The following GPC5 variants were observed in gnomAD, a reference collection of about 807,000 sequenced individuals.
The protein encoded by GPC5 is glypican-5.
GPC5 carries 47 observed loss-of-function variants against 53.9 expected under a neutral mutation model. The observed-to-expected ratio is 0.87, with a 90% CI of 0.69 to 1.11. GPC5 has a LOEUF of 1.11. Among genes scored for constraint, GPC5 ranks in the 50% most tolerant of loss-of-function variants. The pLI is 0.00. For synonymous variants in GPC5, 286 were observed against 263.3 expected (o/e 1.09, Z -0.84); for missense variants, 748 against 713.1 (o/e 1.05, Z -0.56).
intron 6 of GPC5, among the ~76,000 whole-genome samples, chr13:92,046,133 T>A (rs976907258): frequency 8.2e-5 from 12 of 146,244 alleles, no homozygotes; most frequent in African/African-American, 2.5e-4. Context: ...AAAAAAAAAA[T>A]TCACTAATGT....
intron 7 of GPC5, among the ~76,000 whole-genome samples, chr13:92,311,587 A>C (rs934141901): frequency 6.6e-5 from 10 of 152,180 alleles, no homozygotes; most frequent in Non-Finnish European, 1.3e-4. Flanking sequence ...CAATCATAGC[A>C]GGAGGTAAAG....
intron 7 of GPC5, among the ~76,000 whole-genome samples, chr13:92,479,849 A>G (rs764673556): frequency 2.0e-5 from 3 of 152,234 alleles, no homozygotes; most frequent in Non-Finnish European, 2.9e-5. Context: ...GCTGAAAACC[A>G]AAGATTAGCC....
At chr13:91,774,970 T>G (rs147058199) in intron 5 of GPC5, among the ~76,000 whole-genome samples, 3 of 152,274 alleles carry the variant, frequency 2.0e-5, no homozygotes, top group African/African-American at 7.2e-5. Flanking sequence ...AATGTGATTT[T>G]CAGAGACTTG....
At chr13:92,149,893 A>G (rs1447202333) in intron 7 of GPC5, among the ~76,000 whole-genome samples, 1 of 151,862 alleles carries the variant, frequency 6.6e-6, no homozygotes, top group East Asian at 1.9e-4. Context: ...TCCTATCAAT[A>G]TGAGTTCAAA....
At chr13:92,174,467 G>A (rs1241273927) in intron 7 of GPC5, among the ~76,000 whole-genome samples, 10 of 151,250 alleles carry the variant, frequency 6.6e-5, no homozygotes, top group Non-Finnish European at 1.3e-4. Context: ...CCCGGGAGGC[G>A]GGGCTTGCAG....
intron 7 of GPC5, among the ~76,000 whole-genome samples, chr13:92,724,151 A>G (rs1483083533): frequency 1.3e-5 from 2 of 151,610 alleles, no homozygotes; most frequent in East Asian, 1.9e-4. Flanking sequence ...AAGTTGAGTT[A>G]AAGTCTAAAA....
At chr13:92,732,126 G>A (rs1888824014) in intron 7 of GPC5, among the ~76,000 whole-genome samples, 1 of 151,278 alleles carries the variant, frequency 6.6e-6, no homozygotes, top group South Asian at 2.1e-4. Flanking sequence ...AAATACTAGT[G>A]ACTTTTTACT....
At chr13:91,998,589 A>G (rs2040526488) in intron 6 of GPC5, among the ~76,000 whole-genome samples, 2 of 152,290 alleles carry the variant, frequency 1.3e-5, no homozygotes, top group Admixed American at 1.3e-4. Context: ...GTTATTATAG[A>G]TCCTGGAAGA....
intron 7 of GPC5, among the ~76,000 whole-genome samples, chr13:92,334,949 G>A (rs2043312207): frequency 6.6e-6 from 1 of 152,166 alleles, no homozygotes; most frequent in Admixed American, 6.5e-5. Context: ...GGCGCTGAGT[G>A]TCTGTGGCTT....
At chr13:91,870,983 C>T (rs1290202475) in intron 5 of GPC5, among the ~76,000 whole-genome samples, 1 of 152,146 alleles carries the variant, frequency 6.6e-6, no homozygotes, top group Non-Finnish European at 1.5e-5. Flanking sequence ...GGACCCAAGT[C>T]TTAACATCAA....
chr13:92,803,738 G>A lies in GPC5; in HGVS notation c.1562-62544G>A, dbSNP rs11841298. Among the ~76,000 whole-genome samples, 1,296 of 151,974 alleles carry A rather than the reference G, an allele frequency of 8.5e-3. 19 individuals carry two copies. Among genetic ancestry groups the A allele is most frequent in the African/African-American group, 0.03 (1,243 of 41,484 alleles). On this transcript the variant is annotated intron_variant, in intron 7 of 7. Coordinates refer to ENST00000377067, the MANE Select transcript of GPC5 (RefSeq NM_004466.6). ...GAAAAGAGTGCCGATTCTCTAATTT[G>A]TATTTTAAAAGGCTAATATCTACAT...
intron 6 of GPC5, among the ~76,000 whole-genome samples, chr13:92,136,380 A>G (rs920505652): frequency 6.7e-6 from 1 of 149,186 alleles, no homozygotes; most frequent in Middle Eastern, 3.2e-3. Flanking sequence ...TATTCTATAC[A>G]TGATATATTA....
At chr13:92,752,787 T>TA (rs1056986016) in intron 7 of GPC5, among the ~76,000 whole-genome samples, 1 of 152,024 alleles carries the variant, frequency 6.6e-6, no homozygotes, top group African/African-American at 2.4e-5. Flanking sequence ...CCAACGGGCT[T>TA]AAAAAACAGC....
chr13:92,531,710 G>T (rs1387455492), intron 7 of GPC5, among the ~76,000 whole-genome samples: 1 of 152,106 alleles, frequency 6.6e-6, no homozygotes, highest in Admixed American at 6.6e-5. Flanking sequence ...TGCCTCTGTT[G>T]ACAACGAAGA....
chr13:91,920,359 C>T (rs1594664022), intron 6 of GPC5, among the ~76,000 whole-genome samples: 2 of 152,138 alleles, frequency 1.3e-5, no homozygotes, highest in African/African-American at 4.8e-5. Context: ...AATCGCAACA[C>T]ACAAAAAGAG....
intron 7 of GPC5, among the ~76,000 whole-genome samples, chr13:92,817,897 T>C (rs1421851507): frequency 6.6e-6 from 1 of 151,992 alleles, no homozygotes; most frequent in Non-Finnish European, 1.5e-5. Context: ...TTGAATATTC[T>C]GAATGAAAAA....
intron 2 of GPC5, among the ~76,000 whole-genome samples, chr13:91,586,945 T>G (rs2032620553): frequency 6.6e-6 from 1 of 152,048 alleles, no homozygotes; most frequent in African/African-American, 2.4e-5. Flanking sequence ...ACAGGCTAGG[T>G]ATATTAGACA....
chr13:92,011,814 C>A (rs1284069978), intron 6 of GPC5, among the ~76,000 whole-genome samples: 1 of 152,146 alleles, frequency 6.6e-6, no homozygotes, highest in African/African-American at 2.4e-5. Flanking sequence ...TTAGTCTACT[C>A]GATTTTACAA....
intron 2 of GPC5, among the ~76,000 whole-genome samples, chr13:91,577,564 T>C (rs994804880): frequency 1.3e-5 from 2 of 152,198 alleles, no homozygotes; most frequent in East Asian, 3.8e-4. Context: ...CCTCACCTAT[T>C]GTTGACTTTC....
Sources: gnomAD v4.1 joint callset for allele counts (sites outside exome capture counted in the v4.1 genomes callset) on GRCh38, gnomAD v4.1.1 for gene constraint, MANE v1.5 for transcripts, NCBI Gene and HGNC (gene_info 2026-07-23, HGNC 2026-07-21) for gene names.